The following P2RY8 variants were observed in gnomAD, a reference collection of about 807,000 sequenced individuals.
P2RY8 encodes the protein P2Y receptor family member 8, also known as S-geranylgeranyl-glutathione receptor P2RY8.
In P2RY8, 6 loss-of-function variants were observed where a neutral mutation model predicts 10.0. The ratio of observed to expected loss-of-function variants is 0.60; its 90% CI spans 0.33 to 1.19. The LOEUF (loss-of-function observed/expected upper bound fraction) is 1.19. P2RY8 is among the 50% of genes most tolerant of loss of function. P2RY8 has a pLI of 0.04. For missense variants in P2RY8, 456 were observed against 542.0 expected, an observed-to-expected ratio of 0.84 and a Z score of 1.58; for synonymous variants, 276 against 252.5, an observed-to-expected ratio of 1.09 and a Z score of -0.88.
intron 1 of P2RY8, among the ~76,000 whole-genome samples, chrX:1,525,852 C>G (rs745350740): frequency 6.6e-6 from 1 of 151,008 alleles, no homozygotes; most frequent in South Asian, 2.1e-4. Context: ...CATTCATTCA[C>G]TCATTCATCT....
At chrX:1,500,366 C>A (rs1235430999) in intron 1 of P2RY8, among the ~76,000 whole-genome samples, 1 of 151,968 alleles carries the variant, frequency 6.6e-6, no homozygotes, top group Non-Finnish European at 1.5e-5. Flanking sequence ...CAGCCTTGAA[C>A]TCCTGGGTTC....
At chrX:1,497,372 T>C (rs1230067824) in intron 1 of P2RY8, among the ~76,000 whole-genome samples, 1 of 145,802 alleles carries the variant, frequency 6.9e-6, no homozygotes, top group African/African-American at 2.5e-5. Context: ...CAAGCTGGAG[T>C]GTAGGCCGGG....
In P2RY8 at chrX:1,464,430, C is replaced by G. The variant is rs1250465921; in HGVS notation, c.*1049G>C. The G allele has an allele frequency of 4.3e-6, 1 of 233,552 alleles. No individual in the cohort carries two copies. The highest frequency in any genetic ancestry group is 2.2e-5 in the African/African-American group (1 of 45,476). 14.5% of individuals were successfully genotyped at this position (233,552 alleles called of 1,614,324 possible). A position where few individuals can be genotyped will look rare whatever the true frequency, so the allele number is the denominator to read the frequency against. On this transcript the variant is annotated 3_prime_UTR_variant, in exon 2 of 2. Transcript: ENST00000381297. ...CACACCTGCATCTGCTGCTTGGTCT[C>G]CAAACGGTCTCATGGGTCAGGCCAG...
chrX:1,479,040 T>C (rs1480957603), intron 1 of P2RY8, among the ~76,000 whole-genome samples: 1 of 152,190 alleles, frequency 6.6e-6, no homozygotes, highest in Admixed American at 6.5e-5. Context: ...CCAGACACCA[T>C]TGAGTTTTCA....
In P2RY8 at chrX:1,508,475, A is replaced by G. The variant is rs553454716; in HGVS notation, c.-25+28446T>C. Among the ~76,000 whole-genome samples, 38 of 152,166 alleles carry G rather than the reference A, an allele frequency of 2.5e-4. No homozygotes were observed. The South Asian group carries it at 3.1e-3, about 12-fold the overall frequency. On this transcript the variant is annotated intron_variant, in intron 1 of 1. Transcript: ENST00000381297. ...CAGTGCTGAGGCTGAGAAACTCCAC[A>G]TATCGGTTATCCCCACATGAGAGAC...
At position 1,498,896 on chromosome X, in the gene P2RY8, A is replaced by C. The variant is rs866233030; in HGVS notation, c.-24-32314T>G. ...GTCACCCAGGCTGGAGTGCAGTGGCACGATCTTGGCTCACTGCAACTTCCG... is the reference window on the plus strand; with the variant it reads ...GTCACCCAGGCTGGAGTGCAGTGGCCCGATCTTGGCTCACTGCAACTTCCG... On this transcript the variant is annotated intron_variant, in intron 1 of 1. Coordinates refer to ENST00000381297, the MANE Select transcript of P2RY8 (RefSeq NM_178129.5). Among the ~76,000 whole-genome samples the C allele has an allele frequency of 6.6e-4, 100 of 151,284 alleles. 1 individual carries two copies. Among genetic ancestry groups the C allele is most frequent in the South Asian group, 2.3e-3 (11 of 4,782 alleles).
At chrX:1,519,578 T>C (rs1405242317) in intron 1 of P2RY8, among the ~76,000 whole-genome samples, 5 of 151,796 alleles carry the variant, frequency 3.3e-5, no homozygotes, top group South Asian at 2.1e-4. Context: ...CAATATTCTC[T>C]CCAATTTCTA....
chrX:1,487,110 G>A (rs1258090445), intron 1 of P2RY8, among the ~76,000 whole-genome samples: 1 of 152,224 alleles, frequency 6.6e-6, no homozygotes, highest in African/African-American at 2.4e-5. Context: ...ATTTGAGCTT[G>A]GCTGGGCCTG....
intron 1 of P2RY8, among the ~76,000 whole-genome samples, chrX:1,513,135 T>C (rs2092312099): frequency 6.6e-6 from 1 of 151,760 alleles, no homozygotes; most frequent in African/African-American, 2.4e-5. Flanking sequence ...CATTTTCTGT[T>C]CTTGTGTTAG....
chrX:1,463,435 G>A lies in P2RY8; in HGVS notation c.*2044C>T, dbSNP rs1449907164. On this transcript the variant is annotated 3_prime_UTR_variant, in exon 2 of 2. Transcript: ENST00000381297. ...TCCAGGTGTCCCTGGGCTTGTGGCC[G>A]CATCACTCCAGTCTGCCTCTGTCTC... is the stretch of plus-strand genomic sequence containing the variant. The A allele has an allele frequency of 1.1e-4, 25 of 232,046 alleles. No homozygotes were observed. The Middle Eastern group carries it at 5.2e-3, about 48-fold the overall frequency. 14.4% of individuals were successfully genotyped at this position (232,046 alleles called of 1,614,324 possible). A position where few individuals can be genotyped will look rare whatever the true frequency, so the allele number is the denominator to read the frequency against.
chrX:1,517,667 G>A lies in P2RY8; in HGVS notation c.-25+19254C>T, dbSNP rs775585718. 4.6e-5 allele frequency among the ~76,000 whole-genome samples: 7 copies of A among 152,268 alleles called. No individual in the cohort carries two copies. The East Asian group carries it at 1.2e-3, about 25-fold the overall frequency. On this transcript the variant is annotated intron_variant, in intron 1 of 1. Coordinates refer to ENST00000381297, the MANE Select transcript of P2RY8 (RefSeq NM_178129.5). ...TCAGGGTCCTTCTGCCTGAGCCTGT[G>A]GGGCCAGGTAATGTTAACAGGAAGC...
At chrX:1,508,007 C>T (rs1446658334) in intron 1 of P2RY8, among the ~76,000 whole-genome samples, 2 of 152,128 alleles carry the variant, frequency 1.3e-5, no homozygotes, top group East Asian at 3.9e-4. Context: ...TCCCCCACCT[C>T]TTTCACCCCG....
intron 1 of P2RY8, among the ~76,000 whole-genome samples, chrX:1,480,250 A>G (rs2091919160): frequency 6.6e-6 from 1 of 151,450 alleles, no homozygotes; most frequent in African/African-American, 2.4e-5. Context: ...TTCAACTCAT[A>G]TTTTCATCAC....
chrX:1,535,548 G>A (rs2092517680), intron 1 of P2RY8, among the ~76,000 whole-genome samples: 1 of 151,860 alleles, frequency 6.6e-6, no homozygotes, highest in Admixed American at 6.6e-5. Flanking sequence ...AAGGAGGAAC[G>A]GAACGGGAAG....
At chrX:1,505,131 C>T (rs1190253826) in intron 1 of P2RY8, among the ~76,000 whole-genome samples, 2 of 40,042 alleles carry the variant, frequency 5.0e-5, no homozygotes, top group Non-Finnish European at 1.2e-4. Flanking sequence ...GAGAGAGACT[C>T]TGTCTCAAAA....
At chrX:1,484,575 A>C (rs1195136332) in intron 1 of P2RY8, among the ~76,000 whole-genome samples, 1 of 151,680 alleles carries the variant, frequency 6.6e-6, no homozygotes, top group East Asian at 1.9e-4. Flanking sequence ...AAATACAAAA[A>C]AAATTAGCCG....
chrX:1,509,161 T>TTCTATCTATCTA (rs56651378), intron 1 of P2RY8, among the ~76,000 whole-genome samples: 19,297 of 144,442 alleles, frequency 0.13, 1,150 homozygotes, highest in South Asian at 0.19. Context: ...TATCCATCCA[T>TTCTATCTATCTA]TCTATCTATC....
At chrX:1,508,317 G>T (rs1199726617) in intron 1 of P2RY8, among the ~76,000 whole-genome samples, 1 of 152,114 alleles carries the variant, frequency 6.6e-6, no homozygotes, top group African/African-American at 2.4e-5. Flanking sequence ...GGGCAGCAGC[G>T]ACATCTCTGG....
rs2092533411 is a variant in P2RY8 at position 1,537,136 on chromosome X, G to A, written c.-240C>T. On this transcript the variant is annotated 5_prime_UTR_variant, in exon 1 of 2. Transcript: ENST00000381297. ...TCCATCTGTCCAGCAACCTTGCAAA[G>A]GCGGCCGCTTCGCTGGGTGGCCCAC... The A allele has an allele frequency of 4.3e-6, 1 of 232,790 alleles. No individual in the cohort carries two copies. The allele number at this position is 232,790 out of a possible 1,614,324, so 14.4% of individuals were successfully genotyped here. A position where few individuals can be genotyped will look rare whatever the true frequency, so the allele number is the denominator to read the frequency against.
Sources: gnomAD v4.1 joint callset for allele counts (sites outside exome capture counted in the v4.1 genomes callset) on GRCh38, gnomAD v4.1.1 for gene constraint, MANE v1.5 for transcripts, NCBI Gene and HGNC (gene_info 2026-07-23, HGNC 2026-07-21) for gene names.